Variants in XDH observed in about 807,000 individuals in gnomAD.
The protein encoded by XDH is xanthine dehydrogenase/oxidase.
XDH carries 138 observed loss-of-function variants against 156.1 expected under a neutral mutation model. The observed-to-expected ratio is 0.88, with a 90% CI of 0.77 to 1.02. XDH has a LOEUF of 1.02. Among genes scored for constraint, XDH ranks in the 50% least tolerant of loss-of-function variants. The pLI, the probability that XDH is intolerant of heterozygous loss-of-function variation, is 0.00. For missense variants in XDH, 1,849 were observed against 1,684.9 expected (o/e 1.10, Z -1.71); for synonymous variants, 669 against 625.7 (o/e 1.07, Z -1.03).
intron 17 of XDH, 103 bp downstream of exon 17, chr2:31,372,125 A>G: frequency 1.3e-6 from 2 of 1,579,516 alleles, no homozygotes; most frequent in South Asian, 1.1e-5. Context: ...GCACCTCATT[A>G]TCTTTGCATC....
intron 2 of XDH, 27 bp from the exon 3 acceptor site, chr2:31,403,171 G>A: frequency 6.2e-7 from 1 of 1,612,220 alleles, no homozygotes. Flanking sequence ...TAAGGAGAAT[G>A]AACTCAGGGA....
intron 13 of XDH, among the ~76,000 whole-genome samples, 165 bp downstream of exon 13, chr2:31,379,702 G>T (rs1686377692): frequency 6.6e-6 from 1 of 152,164 alleles, no homozygotes; most frequent in African/African-American, 2.4e-5. Context: ...TGTCCAGAAA[G>T]GAGTATGGTT....
intron 33 of XDH, 84 bp downstream of exon 33, chr2:31,341,245 C>A: frequency 2.3e-6 from 3 of 1,324,282 alleles, no homozygotes; most frequent in Non-Finnish European, 3.2e-6. Context: ...CCTTGGACAA[C>A]ATGTTGTGGC....
intron 6 of XDH, among the ~76,000 whole-genome samples, chr2:31,391,238 C>T (rs953749218): frequency 6.6e-6 from 1 of 152,156 alleles, no homozygotes; most frequent in African/African-American, 2.4e-5. Context: ...ATCTTTGCTC[C>T]ATCGTATCGC....
chr2:31,354,600 C>T (rs1685577186), intron 24 of XDH, among the ~76,000 whole-genome samples: 1 of 152,022 alleles, frequency 6.6e-6, no homozygotes, highest in East Asian at 1.9e-4. Context: ...CAAAGAAGAA[C>T]CTAATGGGCC....
rs1315420197 is a variant in XDH, at chr2:31,383,060, A to C, written c.979T>G (p.Phe327Val). Reference sequence around the variant, plus strand: ...CGCAGCTGCTCCAGGACCCCTCTGAACACCTCTGTCTTTTGGGCAGGAAGC... The same window carrying C: ...CGCAGCTGCTCCAGGACCCCTCTGACCACCTCTGTCTTTTGGGCAGGAAGC... ...AKLPAQKTEV[F>V]RGVLEQLRWF... The change falls in exon 11 of 36, where the codon TTC (phenylalanine) becomes GTC (valine). Residue 327 changes from phenylalanine to valine, a missense_variant. By Grantham distance (50) the Phe-to-Val change is conservative. Transcript: ENST00000379416. 1 of 1,614,124 alleles carries C rather than the reference A, an allele frequency of 6.2e-7. No homozygotes were observed. The highest frequency in any genetic ancestry group is 8.5e-7 in the Non-Finnish European group (1 of 1,180,032).
intron 24 of XDH, among the ~76,000 whole-genome samples, chr2:31,360,261 G>T (rs187606463): frequency 9.5e-4 from 145 of 152,346 alleles, no homozygotes; most frequent in African/African-American, 3.3e-3. Flanking sequence ...ACTTTGGGAG[G>T]ATGAGGCGGG....
chr2:31,339,706 C>G, intron 33 of XDH, 29 bp from the exon 34 acceptor site: 2 of 1,612,172 alleles, frequency 1.2e-6, no homozygotes, highest in Non-Finnish European at 1.7e-6. Context: ...GCACAGTTAG[C>G]CTGCCACCTT....
At chr2:31,394,861 G>A (rs554453527) in intron 6 of XDH, among the ~76,000 whole-genome samples, 102 of 152,156 alleles carry the variant, frequency 6.7e-4, no homozygotes, top group African/African-American at 2.3e-3. Context: ...TGTTATAAGC[G>A]TTTTCAATCT....
chr2:31,343,334 T>TTATATATATATATATA (rs1395120699), intron 31 of XDH, among the ~76,000 whole-genome samples: 1 of 112,086 alleles, frequency 8.9e-6, no homozygotes, highest in Non-Finnish European at 1.9e-5. Flanking sequence ...ATATGCATGT[T>TTATATATATATATATA]TATACATATA....
At chr2:31,406,054 A>G in intron 1 of XDH, 90 bp from the exon 2 acceptor site, 1 of 1,406,634 alleles carries the variant, frequency 7.1e-7, no homozygotes. Flanking sequence ...TCACTCAATA[A>G]TTTGTAGAGT....
intron 17 of XDH, among the ~76,000 whole-genome samples, 191 bp downstream of exon 17, chr2:31,372,037 C>T (rs1290922279): frequency 6.6e-6 from 1 of 152,228 alleles, no homozygotes; most frequent in African/African-American, 2.4e-5. Flanking sequence ...GCCTTAGTTT[C>T]CTCATCTGGA....
At chr2:31,342,036 G>T in intron 32 of XDH, 147 bp downstream of exon 32, 1 of 724,448 alleles carries the variant, frequency 1.4e-6, no homozygotes, top group Non-Finnish European at 2.4e-6. Flanking sequence ...CACTTACTCT[G>T]TGGCCCTTTA....
At chr2:31,361,719 T>TA (rs1161558595) in intron 24 of XDH, among the ~76,000 whole-genome samples, 1 of 152,208 alleles carries the variant, frequency 6.6e-6, no homozygotes, top group African/African-American at 2.4e-5. Flanking sequence ...TTACTTTCAA[T>TA]AAAAAGACAA....
At chr2:31,386,850 C>A (rs1686611427) in intron 8 of XDH, among the ~76,000 whole-genome samples, 1 of 37,870 alleles carries the variant, frequency 2.6e-5, no homozygotes, top group African/African-American at 1.1e-4. Flanking sequence ...GGGTCCCCAA[C>A]AGACCTGGCT....
chr2:31,376,882 T>C (rs561986502), intron 14 of XDH, among the ~76,000 whole-genome samples, 171 bp downstream of exon 14: 2 of 150,620 alleles, frequency 1.3e-5, no homozygotes, highest in East Asian at 1.9e-4. Context: ...GTAGCAACTG[T>C]GGTTATAGTA....
chr2:31,398,526 GC>G, intron 5 of XDH, 46 bp downstream of exon 5: 1 of 1,612,118 alleles, frequency 6.2e-7, no homozygotes, highest in South Asian at 1.1e-5. Flanking sequence ...CCTCTGCAGG[GC>G]CTCGTTTGCC....
intron 30 of XDH, among the ~76,000 whole-genome samples, chr2:31,346,426 T>A (rs1054845726): frequency 2.0e-5 from 3 of 152,058 alleles, no homozygotes; most frequent in Non-Finnish European, 4.4e-5. Flanking sequence ...AAGCGGGGTG[T>A]GGGAGCAGAC....
chr2:31,365,550 G>A lies in XDH; in HGVS notation c.2457-6C>T. ...ATCGCACAGGGCGGCCGGTCCTGGGGGTTACCGACAGTGTTAGAAGCCTGT... is the reference window on the plus strand; with the variant it reads ...ATCGCACAGGGCGGCCGGTCCTGGGAGTTACCGACAGTGTTAGAAGCCTGT... On this transcript the variant is annotated splice_region_variant and splice_polypyrimidine_tract_variant and intron_variant, in intron 22 of 35. Coordinates refer to ENST00000379416, the MANE Select transcript of XDH (RefSeq NM_000379.4). 1 of 1,614,112 alleles carries A rather than the reference G, an allele frequency of 6.2e-7. No individual in the cohort carries two copies. The highest frequency in any genetic ancestry group is 8.5e-7 in the Non-Finnish European group (1 of 1,180,018).
Sources: allele counts gnomAD v4.1 joint callset (sites outside exome capture counted in the v4.1 genomes callset), GRCh38; gene constraint gnomAD v4.1.1; transcripts MANE v1.5; gene names NCBI Gene and HGNC (gene_info 2026-07-23, HGNC 2026-07-21).